L3MBTL4: variants seen among roughly 807,000 people sequenced by gnomAD.
L3MBTL4 encodes lethal(3)malignant brain tumor-like protein 4.
L3MBTL4 carries 70 observed loss-of-function variants against 84.5 expected under a neutral mutation model. The ratio of observed to expected loss-of-function variants is 0.83; its 90% CI spans 0.68 to 1.01. The LOEUF (loss-of-function observed/expected upper bound fraction) is 1.01, where lower values mean the gene tolerates loss of function less well. Ranked by LOEUF, L3MBTL4 falls within the 50% of genes least tolerant of loss-of-function variation. L3MBTL4 has a pLI of 0.00. For missense variants in L3MBTL4, 715 were observed against 754.8 expected (o/e 0.95, Z 0.62); for synonymous variants, 274 against 259.8 (o/e 1.05, Z -0.52).
chr18:6,173,990 T>C (rs192638153), intron 12 of L3MBTL4, among the ~76,000 whole-genome samples: 55 of 152,100 alleles, frequency 3.6e-4, no homozygotes, highest in Non-Finnish European at 5.3e-4. Flanking sequence ...CTTTGACAAT[T>C]TGACTGAGAC....
At chr18:6,257,782 G>C (rs1436863053) in intron 5 of L3MBTL4, among the ~76,000 whole-genome samples, 3 of 151,770 alleles carry the variant, frequency 2.0e-5, no homozygotes, top group African/African-American at 4.8e-5. Context: ...GAGCAGCTGG[G>C]ATTACAGGCA....
At chr18:6,339,762 T>C (rs1022606396) in intron 1 of L3MBTL4, among the ~76,000 whole-genome samples, 4 of 152,094 alleles carry the variant, frequency 2.6e-5, no homozygotes, top group Non-Finnish European at 5.9e-5. Context: ...AGGATATGAT[T>C]ACAGATCATA....
chr18:6,038,920 G>A (rs1347144220), intron 16 of L3MBTL4, among the ~76,000 whole-genome samples: 2 of 151,948 alleles, frequency 1.3e-5, no homozygotes, highest in African/African-American at 4.8e-5. Context: ...GGGGTTATAT[G>A]GGGTCATAAG....
At chr18:6,146,643 CTTA>C (rs905095121) in intron 13 of L3MBTL4, among the ~76,000 whole-genome samples, 23 of 152,116 alleles carry the variant, frequency 1.5e-4, no homozygotes, top group Non-Finnish European at 3.4e-4. Context: ...GTTTAAACAA[CTTA>C]TTAAGAAGTT....
chr18:6,164,443 C>A (rs993451495), intron 13 of L3MBTL4, among the ~76,000 whole-genome samples: 1 of 152,220 alleles, frequency 6.6e-6, no homozygotes, highest in African/African-American at 2.4e-5. Flanking sequence ...TAGGGGCAGA[C>A]TGACACCTCA....
At chr18:5,987,146 GC>G (rs2053497066) in intron 16 of L3MBTL4, among the ~76,000 whole-genome samples, 2 of 152,202 alleles carry the variant, frequency 1.3e-5, no homozygotes, top group Non-Finnish European at 2.9e-5. Flanking sequence ...CCTCATCAGT[GC>G]TTGTAGGAGG....
At chr18:6,309,279 T>C (rs2050724925) in intron 3 of L3MBTL4, among the ~76,000 whole-genome samples, 1 of 152,218 alleles carries the variant, frequency 6.6e-6, no homozygotes, top group Non-Finnish European at 1.5e-5. Context: ...GAATACAGCC[T>C]ACTGTATTAA....
At chr18:6,047,655 T>C (rs1413831143) in intron 16 of L3MBTL4, among the ~76,000 whole-genome samples, 1 of 152,178 alleles carries the variant, frequency 6.6e-6, no homozygotes, top group East Asian at 1.9e-4. Flanking sequence ...AAAAATCATA[T>C]GATCACCTCA....
intron 16 of L3MBTL4, among the ~76,000 whole-genome samples, chr18:6,001,285 T>A (rs1940618): frequency 0.051 from 7,813 of 152,304 alleles, 476 homozygotes; most frequent in Admixed American, 0.17. Flanking sequence ...AGTTTTCCCC[T>A]TCTGGGGAGC....
At chr18:6,202,567 G>A (rs990616473) in intron 12 of L3MBTL4, among the ~76,000 whole-genome samples, 3 of 152,068 alleles carry the variant, frequency 2.0e-5, no homozygotes, top group Non-Finnish European at 4.4e-5. Context: ...TTATTAGGGT[G>A]GCAATCAAGG....
intron 14 of L3MBTL4, among the ~76,000 whole-genome samples, chr18:6,107,588 CAA>C (rs1400047615): frequency 6.6e-6 from 1 of 152,064 alleles, no homozygotes; most frequent in African/African-American, 2.4e-5. Flanking sequence ...TTAAAGAAAA[CAA>C]TGGAATGGAA....
intron 16 of L3MBTL4, chr18:6,031,238 G>C (rs1459591617): frequency 1.0e-6 from 1 of 985,328 alleles, no homozygotes; most frequent in Non-Finnish European, 1.2e-6. Flanking sequence ...AGGGGATTTT[G>C]TGAGCTGATA....
intron 1 of L3MBTL4, among the ~76,000 whole-genome samples, chr18:6,386,691 T>C (rs1288405190): frequency 6.6e-6 from 1 of 152,054 alleles, no homozygotes; most frequent in Non-Finnish European, 1.5e-5. Context: ...GTAGAAGTCC[T>C]GAGATGGCTG....
chr18:6,144,790 G>A (rs1016400054), intron 13 of L3MBTL4, among the ~76,000 whole-genome samples: 1 of 152,162 alleles, frequency 6.6e-6, no homozygotes, highest in Non-Finnish European at 1.5e-5. Flanking sequence ...GATGAGACTG[G>A]TGCTGCTTTG....
intron 3 of L3MBTL4, among the ~76,000 whole-genome samples, chr18:6,305,037 T>C (rs1665360983): frequency 6.6e-6 from 1 of 152,226 alleles, no homozygotes; most frequent in South Asian, 2.1e-4. Context: ...TGGATTTAAA[T>C]TGCCTAAGCT....
chr18:6,353,045 T>C (rs1347254233), intron 1 of L3MBTL4, among the ~76,000 whole-genome samples: 3 of 152,222 alleles, frequency 2.0e-5, no homozygotes, highest in African/African-American at 4.8e-5. Context: ...AATTATAACT[T>C]ACCACAAGTA....
chr18:6,162,099 TA>T (rs1307398290), intron 13 of L3MBTL4, among the ~76,000 whole-genome samples: 1 of 151,982 alleles, frequency 6.6e-6, no homozygotes, highest in Admixed American at 6.6e-5. Context: ...AATAATAGAT[TA>T]AAAAACTCTC....
chr18:6,134,739 C>T (rs528404898), intron 14 of L3MBTL4, among the ~76,000 whole-genome samples: 1 of 152,330 alleles, frequency 6.6e-6, no homozygotes, highest in East Asian at 1.9e-4. Context: ...ACCCCTGTGG[C>T]TTTGCAGGGT....
intron 14 of L3MBTL4, among the ~76,000 whole-genome samples, chr18:6,128,774 C>T (rs1213017709): frequency 2.0e-5 from 3 of 151,958 alleles, no homozygotes; most frequent in Admixed American, 2.0e-4. Context: ...ATAGAAGCTC[C>T]AAGGAAAGGG....
Sources: allele counts gnomAD v4.1 joint callset (sites outside exome capture counted in the v4.1 genomes callset), GRCh38; gene constraint gnomAD v4.1.1; transcripts MANE v1.5; gene names NCBI Gene and HGNC (gene_info 2026-07-23, HGNC 2026-07-21).